The following UBA6 variants were observed in gnomAD, a reference collection of about 807,000 sequenced individuals.
The protein encoded by UBA6 is ubiquitin-like modifier-activating enzyme 6.
UBA6 carries 87 observed loss-of-function variants against 148.3 expected under a neutral mutation model. That is an observed-to-expected ratio of 0.59 (90% CI 0.49 to 0.70). The LOEUF (loss-of-function observed/expected upper bound fraction) is 0.70, where lower values mean the gene tolerates loss of function less well. UBA6 is among the 30% of genes least tolerant of loss of function. The pLI, the probability that UBA6 is intolerant of heterozygous loss-of-function variation, is 0.00. For missense variants in UBA6, 1,186 were observed against 1,241.2 expected, an observed-to-expected ratio of 0.96 and a Z score of 0.67; for synonymous variants, 376 against 401.0, an observed-to-expected ratio of 0.94 and a Z score of 0.75.
rs760410191 is a variant in UBA6 at position 67,625,113 on chromosome 4, C to T, written c.2593G>A (p.Ala865Thr). 5.0e-6 allele frequency: 8 copies of T among 1,613,210 alleles called. No individual in the cohort carries two copies. Among genetic ancestry groups the T allele is most frequent in the South Asian group, 1.1e-5 (1 of 91,030 alleles). ...HNGHIDFITA[A>T]SNLRAKMYSI... is the part of the protein sequence containing the mutation. ...TACATTTTGGCACGAAGATTTGATG[C>T]AGCTGTGATGAAATCTATGTGTCCA... The change falls in exon 29 of 33, where the codon GCA becomes ACA. Residue 865 changes from alanine (A) to threonine (T), a missense_variant. Transcript: ENST00000322244.
chr4:67,677,236 C>A (rs1318824438), intron 6 of UBA6, among the ~76,000 whole-genome samples: 3 of 152,112 alleles, frequency 2.0e-5, no homozygotes, highest in African/African-American at 7.2e-5. Context: ...CTCCTGGTCC[C>A]AGAAGAGAGA....
At chr4:67,652,658 T>A (rs1170991510) in intron 13 of UBA6, among the ~76,000 whole-genome samples, 1 of 152,144 alleles carries the variant, frequency 6.6e-6, no homozygotes, top group Non-Finnish European at 1.5e-5. Context: ...ATCTGGTTCA[T>A]CCCACTGGAA....
At chr4:67,641,039 G>C in intron 18 of UBA6, 112 bp downstream of exon 18, 1 of 690,730 alleles carries the variant, frequency 1.4e-6, no homozygotes, top group Non-Finnish European at 2.5e-6. Flanking sequence ...TTGATAATTT[G>C]AAAGTTTCTA....
Position 67,662,240 on chromosome 4 carries a change from T to C in UBA6, c.1053A>G (p.Ser351=), listed in dbSNP as rs778183848. Residue 351 remains serine, a synonymous_variant, in exon 13 of 33, where the codon TCA becomes TCG. Transcript: ENST00000322244. ...RKPNVGCQQD[S]EELLKLATSI... is the part of the protein sequence containing the mutation. ...ATGTTGCTAGTTTCAACAGTTCTTCTGAATCTTGTTGGCATCTACAACTCA... is the reference window on the plus strand; with the variant it reads ...ATGTTGCTAGTTTCAACAGTTCTTCCGAATCTTGTTGGCATCTACAACTCA... The C allele has an allele frequency of 6.2e-7, 1 of 1,613,560 alleles. No homozygotes were observed. Among genetic ancestry groups the C allele is most frequent in the East Asian group, 2.2e-5 (1 of 44,774 alleles).
At chr4:67,660,666 G>A (rs1422951819) in intron 13 of UBA6, among the ~76,000 whole-genome samples, 1 of 152,186 alleles carries the variant, frequency 6.6e-6, no homozygotes, top group African/African-American at 2.4e-5. Context: ...GAAGGATAAT[G>A]TGGGGTTGGA....
intron 13 of UBA6, among the ~76,000 whole-genome samples, chr4:67,651,543 C>A (rs767088611): frequency 6.6e-6 from 1 of 152,038 alleles, no homozygotes; most frequent in Non-Finnish European, 1.5e-5. Flanking sequence ...AGCAAGATAC[C>A]AGTGAACAAA....
At chr4:67,672,792 T>C (rs1452036383) in intron 7 of UBA6, among the ~76,000 whole-genome samples, 2 of 152,152 alleles carry the variant, frequency 1.3e-5, no homozygotes, top group African/African-American at 4.8e-5. Flanking sequence ...GATCTTTATA[T>C]AGCCTGTTCT....
At chr4:67,674,915 C>T (rs35669832) in intron 6 of UBA6, among the ~76,000 whole-genome samples, 4,818 of 152,010 alleles carry the variant, frequency 0.032, 106 homozygotes, top group South Asian at 0.048. Flanking sequence ...CCCAGGCTGG[C>T]GTGCAGTGGT....
intron 8 of UBA6, among the ~76,000 whole-genome samples, chr4:67,669,671 T>C (rs1388753719): frequency 6.6e-6 from 1 of 152,172 alleles, no homozygotes; most frequent in East Asian, 1.9e-4. Context: ...ATTTAGACTT[T>C]TGAATCTGAA....
At chr4:67,699,794 G>A (rs1362849602) in intron 1 of UBA6, among the ~76,000 whole-genome samples, 1 of 152,026 alleles carries the variant, frequency 6.6e-6, no homozygotes, top group African/African-American at 2.4e-5. Flanking sequence ...GTAGAGACGC[G>A]GTTTCGCCAT....
intron 23 of UBA6, 87 bp downstream of exon 23, chr4:67,633,258 C>T: frequency 1.7e-6 from 2 of 1,165,358 alleles, no homozygotes; most frequent in Non-Finnish European, 2.3e-6. Flanking sequence ...AGAAAGAATA[C>T]ACATTTCAGG....
At chr4:67,663,254 T>C (rs1729908420) in intron 11 of UBA6, 39 bp from the exon 12 acceptor site, 2 of 1,409,618 alleles carry the variant, frequency 1.4e-6, no homozygotes, top group Admixed American at 1.9e-5. Flanking sequence ...ATTTACTGAG[T>C]GGTTGTATGT....
chr4:67,646,184 T>C (rs571476625), intron 15 of UBA6, among the ~76,000 whole-genome samples, 168 bp from the exon 16 acceptor site: 75 of 152,330 alleles, frequency 4.9e-4, no homozygotes, highest in African/African-American at 1.3e-3. Flanking sequence ...AATCCATTTT[T>C]CCTTTTTCCA....
intron 13 of UBA6, among the ~76,000 whole-genome samples, chr4:67,651,061 C>G (rs1729543609): frequency 6.6e-6 from 1 of 151,984 alleles, no homozygotes. Context: ...CTTATCCTGT[C>G]CAAAAAGTAA....
intron 32 of UBA6, among the ~76,000 whole-genome samples, chr4:67,620,590 G>T (rs757760407): frequency 2.0e-5 from 3 of 152,144 alleles, no homozygotes; most frequent in Non-Finnish European, 4.4e-5. Context: ...CAGTGTAGCT[G>T]GAATATTGTG....
intron 12 of UBA6, chr4:67,662,620 C>A: frequency 5.2e-6 from 1 of 191,626 alleles, no homozygotes; most frequent in Non-Finnish European, 1.1e-5. Flanking sequence ...TGCACCACCA[C>A]GCCTGGTAAT....
intron 16 of UBA6, among the ~76,000 whole-genome samples, chr4:67,645,428 G>A (rs1044805478): frequency 2.0e-5 from 3 of 151,962 alleles, no homozygotes; most frequent in Admixed American, 6.6e-5. Flanking sequence ...GTGAAACTCC[G>A]TCTCTATTGA....
At position 67,618,218 on chromosome 4, in the gene UBA6, T is replaced by C. The variant is rs367870386; in HGVS notation, c.*779A>G. The C allele has an allele frequency of 7.2e-5, 11 of 152,666 alleles. No homozygotes were observed. The South Asian group carries it at 2.3e-3, about 32-fold the overall frequency. The allele number at this position is 152,666 out of a possible 1,614,324, so 9.5% of individuals were successfully genotyped here. On this transcript the variant is annotated 3_prime_UTR_variant, in exon 33 of 33. Transcript: ENST00000322244. ...GGTTTAGAGTCTCACATAAATAAAA[T>C]AGCCACATTAGAAGGCATACTGAAG...
intron 10 of UBA6, among the ~76,000 whole-genome samples, chr4:67,664,517 A>T (rs1729943346): frequency 6.6e-6 from 1 of 152,086 alleles, no homozygotes; most frequent in Non-Finnish European, 1.5e-5. Context: ...AAAAGAAAAG[A>T]CAATTATGTT....
Sources: gnomAD v4.1 joint callset for allele counts (sites outside exome capture counted in the v4.1 genomes callset) on GRCh38, gnomAD v4.1.1 for gene constraint, MANE v1.5 for transcripts, NCBI Gene and HGNC (gene_info 2026-07-23, HGNC 2026-07-21) for gene names.